Variants in CELF2 observed in about 807,000 individuals in gnomAD.
CELF2 encodes CUGBP Elav-like family member 2.
Under a neutral mutation model 62.6 loss-of-function variants are expected in CELF2, and 8 were observed. The observed-to-expected ratio is 0.13, with a 90% CI of 0.07 to 0.23. The LOEUF (loss-of-function observed/expected upper bound fraction) is 0.23, where lower values mean the gene tolerates loss of function less well. CELF2 is among the 10% of genes least tolerant of loss of function. The pLI is 1.00. For missense variants in CELF2, 333 were observed against 671.0 expected (o/e 0.50, Z 5.56); for synonymous variants, 258 against 250.0 (o/e 1.03, Z -0.30).
intron 1 of CELF2, among the ~76,000 whole-genome samples, chr10:10,875,771 C>A (rs528248349): frequency 2.0e-5 from 3 of 152,184 alleles, no homozygotes; most frequent in Non-Finnish European, 4.4e-5. Context: ...AGACTTCCAT[C>A]TCCCTCTTCT....
the CELF2 span, among the ~76,000 whole-genome samples, chr10:10,616,835 A>C: frequency 6.6e-6 from 1 of 151,668 alleles, no homozygotes; most frequent in African/African-American, 2.4e-5. Flanking sequence ...CGATCCTTCC[A>C]CCTCAGCCTC....
intron 1 of CELF2, among the ~76,000 whole-genome samples, chr10:11,042,927 G>A (rs1415222428): frequency 6.6e-6 from 1 of 152,132 alleles, no homozygotes; most frequent in East Asian, 1.9e-4. Flanking sequence ...TTGTTCCTCA[G>A]TTGATGGACA....
At chr10:10,480,316 G>A in the CELF2 span, among the ~76,000 whole-genome samples, 2 of 152,148 alleles carry the variant, frequency 1.3e-5, no homozygotes, top group Non-Finnish European at 2.9e-5. Flanking sequence ...CTGAAGCAGT[G>A]GATCCCCCTT....
chr10:10,691,923 G>A, the CELF2 span, among the ~76,000 whole-genome samples: 1 of 151,246 alleles, frequency 6.6e-6, no homozygotes, highest in Non-Finnish European at 1.5e-5. Flanking sequence ...TGTCAGATGA[G>A]TAGGTTGCGA....
Position 11,220,628 on chromosome 10 carries a change from G to A in CELF2, c.354+3121G>A, listed in dbSNP as rs1450403011. On this transcript the variant is annotated intron_variant, in intron 3 of 12. Transcript: ENST00000633077. This position sits in a 1 kb window ranked among gnomAD's most constrained non-coding sequence, Gnocchi z 4.4. Reference sequence around the variant, plus strand: ...ACTGGGTAACCAAAGAAGACGCTCTGTTTTACATCCCCTGAAATTCTCAAC... The same window carrying A: ...ACTGGGTAACCAAAGAAGACGCTCTATTTTACATCCCCTGAAATTCTCAAC... 6.6e-6 allele frequency among the ~76,000 whole-genome samples: 1 copy of A among 152,172 alleles called. No individual in the cohort carries two copies. The highest frequency in any genetic ancestry group is 2.4e-5 in the African/African-American group (1 of 41,430).
the CELF2 span, among the ~76,000 whole-genome samples, chr10:10,552,142 C>T: frequency 1.3e-5 from 2 of 152,094 alleles, no homozygotes; most frequent in Non-Finnish European, 2.9e-5. Flanking sequence ...TCTTGTTGAT[C>T]AGTGCAAATG....
At chr10:10,829,340 A>C (rs1220744819) in intron 1 of CELF2, among the ~76,000 whole-genome samples, 1 of 152,244 alleles carries the variant, frequency 6.6e-6, no homozygotes, top group East Asian at 1.9e-4. Flanking sequence ...ATTATAAATC[A>C]ATCCATAATC....
At chr10:10,945,021 C>G (rs2047499879) in intron 2 of CELF2, among the ~76,000 whole-genome samples, 1 of 152,096 alleles carries the variant, frequency 6.6e-6, no homozygotes, top group Non-Finnish European at 1.5e-5. Context: ...AGGGCACAGA[C>G]AGGATCAGCC....
Position 11,302,260 on chromosome 10 carries a change from C to T in CELF2, c.977-11879C>T, listed in dbSNP as rs2093829825. ...CTCATGCCTCAGAATCAAGTTTTCA[C>T]CCAGTCGTGATGGAATTTGACAGCA... On this transcript the variant is annotated intron_variant, in intron 9 of 12. Coordinates refer to ENST00000633077, the MANE Select transcript of CELF2 (RefSeq NM_001326342.2). This position sits in a 1 kb window ranked among gnomAD's most constrained non-coding sequence, Gnocchi z 5.0. 6.6e-6 allele frequency among the ~76,000 whole-genome samples: 1 copy of T among 152,180 alleles called. No individual in the cohort carries two copies. The highest frequency in any genetic ancestry group is 2.1e-4 in the South Asian group (1 of 4,830).
chr10:10,910,424 G>A (rs2063705980), intron 1 of CELF2, among the ~76,000 whole-genome samples: 1 of 152,178 alleles, frequency 6.6e-6, no homozygotes, highest in Non-Finnish European at 1.5e-5. Flanking sequence ...GGCCAGTGCA[G>A]TAGTTCATGC....
chr10:10,865,775 G>C (rs2060315841), intron 1 of CELF2, among the ~76,000 whole-genome samples: 1 of 151,638 alleles, frequency 6.6e-6, no homozygotes, highest in African/African-American at 2.4e-5. Context: ...CAAAATGAGA[G>C]AGAAAGAAGA....
At chr10:10,588,487 C>T in the CELF2 span, among the ~76,000 whole-genome samples, 1 of 152,114 alleles carries the variant, frequency 6.6e-6, no homozygotes, top group Non-Finnish European at 1.5e-5. Flanking sequence ...ATTGTACCAC[C>T]CTGGGATACC....
chr10:10,592,254 ATC>A, the CELF2 span, among the ~76,000 whole-genome samples: 1 of 152,158 alleles, frequency 6.6e-6, no homozygotes, highest in Admixed American at 6.5e-5. Context: ...ATTTGATACT[ATC>A]TGTCAGTTTA....
chr10:11,272,990 C>T (rs1393445866), intron 7 of CELF2, among the ~76,000 whole-genome samples: 1 of 152,092 alleles, frequency 6.6e-6, no homozygotes, highest in Non-Finnish European at 1.5e-5. Flanking sequence ...CAAATCAAAC[C>T]GAAATAAGGC....
intron 5 of CELF2, among the ~76,000 whole-genome samples, chr10:11,265,002 A>G (rs1050515035): frequency 3.9e-5 from 6 of 152,242 alleles, no homozygotes; most frequent in African/African-American, 7.2e-5. Context: ...CAAAAAATGC[A>G]TTGACTTATT....
At chr10:11,154,673 T>C (rs1470479465) in intron 1 of CELF2, among the ~76,000 whole-genome samples, 2 of 152,230 alleles carry the variant, frequency 1.3e-5, no homozygotes, top group African/African-American at 4.8e-5. Flanking sequence ...TTTAATGATA[T>C]CACTGTCATC....
chr10:10,473,801 G>C, the CELF2 span, among the ~76,000 whole-genome samples: 3 of 152,044 alleles, frequency 2.0e-5, no homozygotes, highest in Non-Finnish European at 2.9e-5. Context: ...GCTCTTGGAA[G>C]AACTGGGAAA....
rs149198980 is a variant in CELF2, at chr10:10,868,855, G to T, written c.54-51109G>T. ...TGGTAGAAAAAGGGAAGAATTTGTG[G>T]CTCACTGCTACCAAATAGGTAGGTC... On this transcript the variant is annotated intron_variant, in intron 1 of 13. Transcript: ENST00000636488. Among the ~76,000 whole-genome samples the T allele has an allele frequency of 1.8e-3, 277 of 152,274 alleles. 2 individuals are homozygous for T. The highest frequency in any genetic ancestry group is 0.013 in the South Asian group (62 of 4,822).
rs531768633 is a variant in CELF2, at chr10:11,046,669, A to G, written c.74+28506A>G. 2.6e-5 allele frequency among the ~76,000 whole-genome samples: 4 copies of G among 152,204 alleles called. No individual in the cohort carries two copies. The South Asian group carries it at 6.2e-4, about 24-fold the overall frequency. ...AACTCATTTCAGACGGACGCTAATA[A>G]CAGCCCGCAGAACCCTCAGGACCCA... On this transcript the variant is annotated intron_variant, in intron 1 of 12. Coordinates refer to ENST00000633077, the MANE Select transcript of CELF2 (RefSeq NM_001326342.2). The surrounding 1 kb of genome is among the most constrained non-coding windows in gnomAD (Gnocchi z 4.6).
Sources: gnomAD v4.1 joint callset for allele counts (sites outside exome capture counted in the v4.1 genomes callset) on GRCh38, gnomAD v4.1.1 for gene constraint, Gnocchi (gnomAD v3.1) non-coding constraint, MANE v1.5 for transcripts, NCBI Gene and HGNC (gene_info 2026-07-23, HGNC 2026-07-21) for gene names.